TTC7A: variants seen among roughly 807,000 people sequenced by gnomAD.
TTC7A encodes tetratricopeptide repeat protein 7A.
In TTC7A, 110 loss-of-function variants were observed where a neutral mutation model predicts 103.7. That is an observed-to-expected ratio of 1.06 (90% CI 0.91 to 1.24). TTC7A has a LOEUF of 1.24. Ranked by LOEUF, TTC7A falls within the 50% of genes most tolerant of loss-of-function variation. The pLI, the probability that TTC7A is intolerant of heterozygous loss-of-function variation, is 0.00. For synonymous variants in TTC7A, 521 were observed against 467.9 expected (o/e 1.11, Z -1.47); for missense variants, 1,340 against 1,116.3 (o/e 1.20, Z -2.86).
Position 46,971,840 on chromosome 2 carries a change from A to C in TTC7A, c.518-3133A>C, listed in dbSNP as rs542242280. On this transcript the variant is annotated intron_variant, in intron 3 of 19. Transcript: ENST00000319190. ...TGTACTGTGTGGGCACAAAGATGGG[A>C]CAGACATTGATTCTTCCCGTTGGGA... Among the ~76,000 whole-genome samples, 447 of 152,240 alleles carry C rather than the reference A, an allele frequency of 2.9e-3. 3 individuals carry two copies. The highest frequency in any genetic ancestry group is 0.01 in the African/African-American group (433 of 41,520).
At chr2:46,973,037 A>G (rs1673510090) in intron 3 of TTC7A, among the ~76,000 whole-genome samples, 1 of 152,086 alleles carries the variant, frequency 6.6e-6, no homozygotes, top group Admixed American at 6.6e-5. Context: ...TATTATGGTA[A>G]AACATCCTCT....
rs1472445135 is a variant in TTC7A, at chr2:46,999,529, C to T, written c.1065+4330C>T. 2.4e-5 allele frequency: 24 copies of T among 985,296 alleles called. No homozygotes were observed. The South Asian group carries it at 5.6e-4, about 23-fold the overall frequency. 61.0% of individuals were successfully genotyped at this position (985,296 alleles called of 1,614,324 possible). On this transcript the variant is annotated intron_variant, in intron 8 of 19. Transcript: ENST00000319190. ...ACCATGCTCAGCAATGTAAAGACAA[C>T]GATTAACAGTTCAATCATAGTTCCT...
chr2:47,049,035 C>T (rs996642573), intron 16 of TTC7A, among the ~76,000 whole-genome samples: 3 of 152,160 alleles, frequency 2.0e-5, no homozygotes, highest in Non-Finnish European at 2.9e-5. Context: ...TTCCCAGACC[C>T]GAGTTGAAGC....
chr2:47,020,459 C>T (rs573852774), intron 11 of TTC7A, among the ~76,000 whole-genome samples: 29 of 152,324 alleles, frequency 1.9e-4, no homozygotes, highest in South Asian at 4.1e-4. Flanking sequence ...GCCCTGGGTT[C>T]TCGGGCCTAT....
intron 18 of TTC7A, among the ~76,000 whole-genome samples, chr2:47,055,988 C>G (rs1683283058): frequency 6.6e-6 from 1 of 151,922 alleles, no homozygotes; most frequent in African/African-American, 2.4e-5. Context: ...TCCTCCTCTT[C>G]CCTGGCTCCA....
intron 2 of TTC7A, among the ~76,000 whole-genome samples, chr2:46,930,563 G>C (rs772299044): frequency 2.7e-4 from 40 of 148,844 alleles, no homozygotes; most frequent in Non-Finnish European, 5.2e-4. Context: ...GCAGTGGCGC[G>C]ATCTTGGCTC....
chr2:46,946,275 A>C (rs1670930146), intron 1 of TTC7A, among the ~76,000 whole-genome samples: 1 of 152,118 alleles, frequency 6.6e-6, no homozygotes, highest in South Asian at 2.1e-4. Context: ...GGTCTTCTTA[A>C]ATGCCCCTGG....
At chr2:46,987,935 T>C (rs1675209388) in intron 5 of TTC7A, among the ~76,000 whole-genome samples, 1 of 152,056 alleles carries the variant, frequency 6.6e-6, no homozygotes, top group South Asian at 2.1e-4. Flanking sequence ...GTGACCCCCA[T>C]GAGGGGTTCC....
Position 47,074,198 on chromosome 2 carries a change from C to T in TTC7A, c.*275C>T, listed in dbSNP as rs941581160. ...GACTTGCTCCCCAAGAGCTGGGCAG[C>T]GGGGAGCCTCACAGCTGTCCTTCAC... is the stretch of plus-strand genomic sequence containing the variant. On this transcript the variant is annotated 3_prime_UTR_variant, in exon 20 of 20. Coordinates refer to ENST00000319190, the MANE Select transcript of TTC7A (RefSeq NM_020458.4). The T allele has an allele frequency of 2.5e-5, 12 of 489,742 alleles. No individual in the cohort carries two copies. Among genetic ancestry groups the T allele is most frequent in the African/African-American group, 1.6e-4 (8 of 51,434 alleles). The allele number at this position is 489,742 out of a possible 1,614,324, so 30.3% of individuals were successfully genotyped here.
At chr2:46,940,405 G>C (rs375017195), upstream of TTC7A, among the ~76,000 whole-genome samples, 1 of 152,054 alleles carries the variant, frequency 6.6e-6, no homozygotes, top group Non-Finnish European at 1.5e-5. The surrounding 1 kb of genome is among the most constrained non-coding windows in gnomAD (Gnocchi z 4.7). Flanking sequence ...CAGCGGGGCC[G>C]GGCCCCTGTA....
intron 19 of TTC7A, among the ~76,000 whole-genome samples, chr2:47,069,380 G>C (rs1379994109): frequency 6.6e-6 from 1 of 152,156 alleles, no homozygotes; most frequent in Non-Finnish European, 1.5e-5. Flanking sequence ...CACTTGTAAA[G>C]GACCCCAGAA....
intron 2 of TTC7A, among the ~76,000 whole-genome samples, chr2:46,954,179 T>A (rs1486669533): frequency 1.3e-5 from 2 of 152,228 alleles, no homozygotes; most frequent in Non-Finnish European, 1.5e-5. Flanking sequence ...TATTTCCTCA[T>A]CCGTTCTTTC....
chr2:46,995,136 C>T lies in TTC7A; in HGVS notation c.1002C>T (p.Asn334=). The stretch of plus-strand genomic sequence containing the variant: ...CAGGCCTGTCATTGGTGTCTTTCAG[C>T]CTCTACTGCCCCAAGGACAACATCG... ...LRKPHLYEGD[N]LYCPKDNIEE... is the part of the protein sequence containing the mutation. The change falls in exon 8 of 20, where the codon AAC becomes AAT. Residue 334 remains asparagine, a splice_region_variant and synonymous_variant. Coordinates refer to ENST00000319190, the MANE Select transcript of TTC7A (RefSeq NM_020458.4). 3 of 1,614,188 alleles carry T rather than the reference C, an allele frequency of 1.9e-6. No individual in the cohort carries two copies. The highest frequency in any genetic ancestry group is 2.5e-6 in the Non-Finnish European group (3 of 1,180,014).
rs1344193520 is a variant in TTC7A at position 47,060,621 on chromosome 2, C to A, written c.2153-148C>A. ...CGTTACCTAGTGTTCCCACTACATC[C>A]TATAGTCAGTGTGTCCCATGCTGTG... On this transcript the variant is annotated intron_variant, in intron 18 of 19. Coordinates refer to ENST00000319190, the MANE Select transcript of TTC7A (RefSeq NM_020458.4). The A allele has an allele frequency of 1.3e-5, 9 of 681,476 alleles. No homozygotes were observed. In the South Asian group the frequency reaches 1.9e-4, roughly 15 times the overall value. 42.2% of individuals were successfully genotyped at this position (681,476 alleles called of 1,614,324 possible). A position where few individuals can be genotyped will look rare whatever the true frequency, so the allele number is the denominator to read the frequency against.
At chr2:46,993,966 C>T (rs17540003) in intron 6 of TTC7A, among the ~76,000 whole-genome samples, 14,802 of 152,166 alleles carry the variant, frequency 0.097, 838 homozygotes, top group Admixed American at 0.14. Flanking sequence ...AATTCTCCAT[C>T]GAATATCAGA....
intron 19 of TTC7A, among the ~76,000 whole-genome samples, chr2:47,062,626 T>A (rs757721384): frequency 2.0e-5 from 3 of 152,260 alleles, no homozygotes; most frequent in Non-Finnish European, 4.4e-5. Context: ...CCTTCCACTG[T>A]GTTCACGGAT....
intron 8 of TTC7A, among the ~76,000 whole-genome samples, chr2:46,997,178 C>A (rs1367868935): frequency 6.6e-6 from 1 of 152,066 alleles, no homozygotes; most frequent in Non-Finnish European, 1.5e-5. Flanking sequence ...GGGGTTTCAC[C>A]ATGTTGACCA....
chr2:47,073,068 C>G (rs539205566), intron 19 of TTC7A, among the ~76,000 whole-genome samples: 1 of 152,296 alleles, frequency 6.6e-6, no homozygotes, highest in East Asian at 1.9e-4. Flanking sequence ...GCACCCCATC[C>G]CCCGCCATCT....
At chr2:47,016,115 A>T (rs1008544152) in intron 11 of TTC7A, among the ~76,000 whole-genome samples, 1 of 152,226 alleles carries the variant, frequency 6.6e-6, no homozygotes, top group East Asian at 1.9e-4. Flanking sequence ...GGGCATTAGC[A>T]GAGTGTGTGA....
Sources: allele counts gnomAD v4.1 joint callset (sites outside exome capture counted in the v4.1 genomes callset), GRCh38; gene constraint gnomAD v4.1.1; non-coding constraint Gnocchi (gnomAD v3.1); transcripts MANE v1.5; gene names NCBI Gene and HGNC (gene_info 2026-07-23, HGNC 2026-07-21).